The following SPMIP11 variants were observed in gnomAD, a reference collection of about 807,000 sequenced individuals.
SPMIP11 encodes the protein sperm microtubule inner protein 11.
At chr12:48,759,267 T>C in the SPMIP11 span, 1 of 702,886 alleles carries the variant, frequency 1.4e-6, no homozygotes, top group Non-Finnish European at 2.6e-6. Context: ...ATGGGAATTA[T>C]TCCGTGCACC....
At chr12:48,769,935 G>C in the SPMIP11 span, among the ~76,000 whole-genome samples, 2 of 151,744 alleles carry the variant, frequency 1.3e-5, no homozygotes, top group Admixed American at 1.3e-4. Flanking sequence ...CTAATTTTTT[G>C]TATTTTTAGT....
the SPMIP11 span, among the ~76,000 whole-genome samples, chr12:48,750,731 T>C: frequency 6.6e-6 from 1 of 152,214 alleles, no homozygotes; most frequent in Non-Finnish European, 1.5e-5. Flanking sequence ...TGTCCATTAA[T>C]TCAGGGAACC....
chr12:48,741,430 T>C, the SPMIP11 span, among the ~76,000 whole-genome samples: 2 of 152,104 alleles, frequency 1.3e-5, no homozygotes, highest in East Asian at 3.8e-4. Context: ...ATGTTTCTCA[T>C]GATTAGATTG....
chr12:48,745,516 G>A, the SPMIP11 span, among the ~76,000 whole-genome samples: 1 of 152,120 alleles, frequency 6.6e-6, no homozygotes, highest in Admixed American at 6.6e-5. Context: ...TGAGGCCGGA[G>A]AATCACTTGA....
chr12:48,767,886 C>T, the SPMIP11 span: 1 of 153,440 alleles, frequency 6.5e-6, no homozygotes, highest in African/African-American at 2.4e-5. Flanking sequence ...AGGCCAGACA[C>T]CCCGTTCCCT....
At chr12:48,753,692 C>CTT in the SPMIP11 span, among the ~76,000 whole-genome samples, 48 of 118,820 alleles carry the variant, frequency 4.0e-4, no homozygotes, top group South Asian at 8.1e-4. Context: ...TTTTTTTTTT[C>CTT]TTTTTTTTTT....
At chr12:48,742,317 T>C in the SPMIP11 span, among the ~76,000 whole-genome samples, 1 of 145,566 alleles carries the variant, frequency 6.9e-6, no homozygotes, top group African/African-American at 2.6e-5. Context: ...AGTCTCACTC[T>C]GTCGCCAAGG....
At chr12:48,727,605 C>G in the SPMIP11 span, 4 of 697,078 alleles carry the variant, frequency 5.7e-6, no homozygotes, top group South Asian at 6.0e-5. Flanking sequence ...ACTTCTTTAC[C>G]TAGATGCTTC....
the SPMIP11 span, among the ~76,000 whole-genome samples, chr12:48,751,267 T>A: frequency 2.0e-5 from 3 of 152,062 alleles, no homozygotes; most frequent in Non-Finnish European, 4.4e-5. Context: ...AATAGAAAAA[T>A]CAAAGAGGCA....
At chr12:48,759,316 GTGT>G in the SPMIP11 span, 1 of 702,986 alleles carries the variant, frequency 1.4e-6, no homozygotes, top group Non-Finnish European at 2.6e-6. Context: ...TGTCCGGAAG[GTGT>G]TGTTGAAGAC....
the SPMIP11 span, among the ~76,000 whole-genome samples, chr12:48,730,368 A>G: frequency 1.3e-5 from 2 of 152,116 alleles, no homozygotes; most frequent in African/African-American, 2.4e-5. Context: ...TGGAGGGAAG[A>G]TTGAACATCA....
the SPMIP11 span, among the ~76,000 whole-genome samples, chr12:48,740,013 C>T: frequency 6.6e-6 from 1 of 152,160 alleles, no homozygotes; most frequent in African/African-American, 2.4e-5. Context: ...GATATTTCTA[C>T]TGAAATATCT....
chr12:48,739,862 G>A, the SPMIP11 span, among the ~76,000 whole-genome samples: 1 of 152,122 alleles, frequency 6.6e-6, no homozygotes, highest in Admixed American at 6.6e-5. Context: ...CATATCACCA[G>A]CCTTCACAGT....
the SPMIP11 span, chr12:48,768,531 GCA>G: frequency 1.2e-6 from 2 of 1,613,078 alleles, no homozygotes; most frequent in Admixed American, 1.7e-5. Flanking sequence ...CACCCAGTGA[GCA>G]CAGAGTCCAC....
chr12:48,769,847 C>T, the SPMIP11 span, among the ~76,000 whole-genome samples: 2 of 150,020 alleles, frequency 1.3e-5, no homozygotes, highest in South Asian at 2.1e-4. Flanking sequence ...CTGCAAGCTC[C>T]GCCTCCCGGG....
chr12:48,767,680 C>T, the SPMIP11 span: 1 of 152,600 alleles, frequency 6.6e-6, no homozygotes, highest in Non-Finnish European at 1.5e-5. Context: ...CTCCATGCCC[C>T]CTTGTCAGCA....
chr12:48,743,201 T>G, the SPMIP11 span, among the ~76,000 whole-genome samples: 1 of 149,236 alleles, frequency 6.7e-6, no homozygotes, highest in Admixed American at 6.7e-5. Flanking sequence ...AAGATCAGCA[T>G]GGCCAACATG....
At chr12:48,757,353 TA>T in the SPMIP11 span, among the ~76,000 whole-genome samples, 3 of 151,800 alleles carry the variant, frequency 2.0e-5, no homozygotes, top group Admixed American at 1.3e-4. Flanking sequence ...ATGAATGTAT[TA>T]AAAAAAATAT....
At chr12:48,759,511 AC>A in the SPMIP11 span, among the ~76,000 whole-genome samples, 7 of 151,962 alleles carry the variant, frequency 4.6e-5, no homozygotes, top group African/African-American at 1.7e-4. Flanking sequence ...ACATAGTGAA[AC>A]CCCATCTCTA....
Sources: allele counts gnomAD v4.1 joint callset (sites outside exome capture counted in the v4.1 genomes callset), GRCh38; gene constraint gnomAD v4.1.1; transcripts MANE v1.5; gene names NCBI Gene and HGNC (gene_info 2026-07-23, HGNC 2026-07-21).